SDK1: variants seen among roughly 807,000 people sequenced by gnomAD.
SDK1 encodes sidekick cell adhesion molecule 1.
SDK1 carries 157 observed loss-of-function variants against 245.5 expected under a neutral mutation model. That is an observed-to-expected ratio of 0.64 (90% confidence interval 0.56 to 0.73). The LOEUF (loss-of-function observed/expected upper bound fraction) is 0.73, where lower values mean the gene tolerates loss of function less well. SDK1 is among the 30% of genes least tolerant of loss of function. The pLI is 0.00. For missense variants in SDK1, 3,583 were observed against 3,002.3 expected, an observed-to-expected ratio of 1.19 and a Z score of -4.52; for synonymous variants, 1,647 against 1,278.5, an observed-to-expected ratio of 1.29 and a Z score of -6.15.
At chr7:3,536,591 G>A (rs1011232378) in intron 1 of SDK1, among the ~76,000 whole-genome samples, 10 of 152,012 alleles carry the variant, frequency 6.6e-5, no homozygotes, top group Admixed American at 3.3e-4. Flanking sequence ...CTACTTGGGA[G>A]GCTGAGGCAC....
chr7:3,993,905 A>C (rs1784522948), intron 14 of SDK1, among the ~76,000 whole-genome samples: 1 of 152,144 alleles, frequency 6.6e-6, no homozygotes, highest in Non-Finnish European at 1.5e-5. Flanking sequence ...CTGAGTCCAC[A>C]TCCCCTCAGC....
intron 10 of SDK1, among the ~76,000 whole-genome samples, chr7:3,968,773 C>T (rs1341367949): frequency 6.6e-6 from 1 of 152,178 alleles, no homozygotes; most frequent in African/African-American, 2.4e-5. Flanking sequence ...TCTTTTCCTA[C>T]AATTTTCACT....
At chr7:3,369,847 G>T (rs372518186) in intron 1 of SDK1, among the ~76,000 whole-genome samples, 4 of 152,104 alleles carry the variant, frequency 2.6e-5, no homozygotes, top group African/African-American at 9.7e-5. Context: ...CATTTATGGC[G>T]TGCAGTGTTT....
intron 1 of SDK1, among the ~76,000 whole-genome samples, chr7:3,568,801 G>A (rs184424173): frequency 5.3e-5 from 8 of 152,176 alleles, no homozygotes; most frequent in East Asian, 1.9e-4. Flanking sequence ...TCTGATCACC[G>A]GATCCCTTCA....
At chr7:3,697,766 G>C (rs950310520) in intron 4 of SDK1, among the ~76,000 whole-genome samples, 2 of 152,078 alleles carry the variant, frequency 1.3e-5, no homozygotes, top group African/African-American at 4.8e-5. Flanking sequence ...ATTTCTATGT[G>C]GTAATGATCC....
chr7:3,525,886 C>G (rs183431925), intron 1 of SDK1, among the ~76,000 whole-genome samples: 30 of 152,186 alleles, frequency 2.0e-4, no homozygotes, highest in African/African-American at 7.0e-4. Flanking sequence ...TTACCAAGCA[C>G]TTAAAATTTG....
At chr7:3,394,951 A>G (rs1781855673) in intron 1 of SDK1, among the ~76,000 whole-genome samples, 1 of 152,060 alleles carries the variant, frequency 6.6e-6, no homozygotes, top group African/African-American at 2.4e-5. Context: ...ATCTTCAAAC[A>G]AAGACAGTTT....
At chr7:4,264,167 C>T (rs1397600674) in intron 44 of SDK1, among the ~76,000 whole-genome samples, 1 of 138,016 alleles carries the variant, frequency 7.2e-6, no homozygotes, top group African/African-American at 2.8e-5. Context: ...CCGCGTAGAA[C>T]TCTCCTGAGT....
chr7:3,678,495 C>T (rs1783979350), intron 4 of SDK1, among the ~76,000 whole-genome samples: 1 of 152,182 alleles, frequency 6.6e-6, no homozygotes, highest in African/African-American at 2.4e-5. Context: ...GAAAACTAAT[C>T]ATTCACTATG....
chr7:3,475,826 G>T (rs1781333052), intron 1 of SDK1, among the ~76,000 whole-genome samples: 1 of 152,250 alleles, frequency 6.6e-6, no homozygotes, highest in South Asian at 2.1e-4. Context: ...AAAATCACCT[G>T]AGCTGCCTCT....
chr7:4,241,712 C>A, intron 42 of SDK1, 81 bp from the exon 43 acceptor site: 1 of 1,578,532 alleles, frequency 6.3e-7, no homozygotes, highest in South Asian at 1.2e-5. Context: ...AGGAGCTGCC[C>A]CGCTGGCCAG....
chr7:3,430,861 T>A (rs757700076), intron 1 of SDK1, among the ~76,000 whole-genome samples: 7 of 152,212 alleles, frequency 4.6e-5, no homozygotes, highest in Non-Finnish European at 8.8e-5. Flanking sequence ...CTCACTTGTA[T>A]TCAGCTTTCC....
chr7:4,004,597 T>A (rs1785320285), intron 14 of SDK1, among the ~76,000 whole-genome samples: 1 of 152,164 alleles, frequency 6.6e-6, no homozygotes, highest in Non-Finnish European at 1.5e-5. Context: ...AAGTACTAAA[T>A]ACACACAAAA....
At chr7:3,536,398 A>G (rs1316918964) in intron 1 of SDK1, among the ~76,000 whole-genome samples, 1 of 152,080 alleles carries the variant, frequency 6.6e-6, no homozygotes, top group East Asian at 1.9e-4. Context: ...AAATCTATGC[A>G]TGGGGCTCGT....
At chr7:3,365,173 A>G (rs901914247) in intron 1 of SDK1, among the ~76,000 whole-genome samples, 2 of 152,202 alleles carry the variant, frequency 1.3e-5, no homozygotes, top group Admixed American at 1.3e-4. Context: ...AGAGGGCAAA[A>G]CAAAAAAGTA....
chr7:3,992,001 G>T (rs79669728), intron 14 of SDK1, among the ~76,000 whole-genome samples: 19 of 152,234 alleles, frequency 1.2e-4, no homozygotes, highest in Non-Finnish European at 1.5e-5. Flanking sequence ...TCCACTCAGC[G>T]TGTGCAAGTG....
intron 1 of SDK1, among the ~76,000 whole-genome samples, chr7:3,519,600 A>T (rs771202855): frequency 1.3e-5 from 2 of 152,060 alleles, no homozygotes; most frequent in African/African-American, 2.4e-5. Flanking sequence ...AGGTACTGTT[A>T]TACCAGTTTT....
intron 1 of SDK1, among the ~76,000 whole-genome samples, chr7:3,581,425 T>G (rs1482689010): frequency 2.0e-5 from 3 of 152,058 alleles, no homozygotes; most frequent in African/African-American, 7.2e-5. Flanking sequence ...ACTAGGGAAA[T>G]GCAAATCAAA....
intron 37 of SDK1, 130 bp downstream of exon 37, chr7:4,208,415 G>T: frequency 1.3e-6 from 1 of 783,976 alleles, no homozygotes; most frequent in South Asian, 1.6e-5. Flanking sequence ...GAGTAGCTGG[G>T]AGTTTCTGGA....
Sources: allele counts gnomAD v4.1 joint callset (sites outside exome capture counted in the v4.1 genomes callset), GRCh38; gene constraint gnomAD v4.1.1; transcripts MANE v1.5; gene names NCBI Gene and HGNC (gene_info 2026-07-23, HGNC 2026-07-21).